Variants in PLA2G4E observed in about 807,000 individuals in gnomAD.
PLA2G4E encodes cytosolic phospholipase A2 epsilon.
A neutral mutation model predicts 109.1 loss-of-function variants in PLA2G4E; 84 were observed. That is an observed-to-expected ratio of 0.77 (90% CI 0.65 to 0.92). The LOEUF (loss-of-function observed/expected upper bound fraction) is 0.92, where lower values mean the gene tolerates loss of function less well. PLA2G4E is among the 40% of genes least tolerant of loss of function. The pLI, the probability that PLA2G4E is intolerant of heterozygous loss-of-function variation, is 0.00. For synonymous variants in PLA2G4E, 469 were observed against 436.1 expected (o/e 1.08, Z -0.94); for missense variants, 1,057 against 1,076.6 (o/e 0.98, Z 0.25).
rs138947174 is a variant in PLA2G4E, at chr15:42,017,508, C to T, written c.184-3751G>A. 5.9e-3 allele frequency among the ~76,000 whole-genome samples: 901 copies of T among 152,308 alleles called. 8 individuals are homozygous for T. Among genetic ancestry groups the T allele is most frequent in the African/African-American group, 0.021 (862 of 41,556 alleles). The stretch of plus-strand genomic sequence containing the variant: ...CGCCCCACGAAGCAGTTATTATTAG[C>T]TTCGTCTTTATAGATGGAGAGTCAG... On this transcript the variant is annotated intron_variant, in intron 1 of 19. Transcript: ENST00000399518.
chr15:42,039,134 C>T (rs1338700323), intron 1 of PLA2G4E, among the ~76,000 whole-genome samples: 1 of 152,146 alleles, frequency 6.6e-6, no homozygotes, highest in Non-Finnish European at 1.5e-5. Flanking sequence ...GCCTCTTACC[C>T]TAGTCAAATC....
In PLA2G4E at chr15:41,996,162, C is replaced by T. The variant is rs1009086002; in HGVS notation, c.1111-666G>A. Among the ~76,000 whole-genome samples the T allele has an allele frequency of 2.6e-5, 4 of 152,034 alleles. No homozygotes were observed. The East Asian group carries it at 7.7e-4, about 29-fold the overall frequency. ...AGGAGTTCAAGACCAGCCTGGGCAA[C>T]ATGTAGAAACCCCATCTCTACAAAA... On this transcript the variant is annotated intron_variant, in intron 11 of 19. Transcript: ENST00000399518.
At chr15:42,009,812 C>T (rs2068514355) in intron 2 of PLA2G4E, 1 of 164,590 alleles carries the variant, frequency 6.1e-6, no homozygotes, top group Non-Finnish European at 1.3e-5. Flanking sequence ...TCCACTTTCA[C>T]CCACCCTTCT....
chr15:41,990,090 C>A, intron 14 of PLA2G4E, 31 bp downstream of exon 14: 1 of 1,587,042 alleles, frequency 6.3e-7, no homozygotes, highest in South Asian at 1.1e-5. Flanking sequence ...CCCCTCCACC[C>A]CACTTGTAAA....
At chr15:41,987,446 A>T (rs2068161277) in intron 16 of PLA2G4E, 71 bp from the exon 17 acceptor site, 1 of 1,464,834 alleles carries the variant, frequency 6.8e-7, no homozygotes, top group Non-Finnish European at 9.4e-7. Context: ...GCGAAGCCCC[A>T]CATGGTTGCC....
intron 1 of PLA2G4E, among the ~76,000 whole-genome samples, chr15:42,033,207 C>G (rs984809010): frequency 3.0e-4 from 45 of 152,130 alleles, no homozygotes; most frequent in African/African-American, 9.2e-4. Flanking sequence ...TCCAGTTGCA[C>G]CGAGATGGAT....
At chr15:41,997,304 C>T (rs1238926172) in intron 10 of PLA2G4E, 45 bp from the exon 11 acceptor site, 9 of 1,491,138 alleles carry the variant, frequency 6.0e-6, no homozygotes, top group Admixed American at 2.2e-5. Context: ...GCCTCTACCT[C>T]CCTGGAGTAG....
intron 1 of PLA2G4E, among the ~76,000 whole-genome samples, chr15:42,048,548 A>AG (rs1050422281): frequency 4.6e-5 from 7 of 152,230 alleles, no homozygotes; most frequent in South Asian, 2.1e-4. Flanking sequence ...GAGAAAGACC[A>AG]GGGGGCCATG....
chr15:42,007,618 C>A (rs1218835896), intron 3 of PLA2G4E, 111 bp downstream of exon 3: 7 of 1,333,542 alleles, frequency 5.2e-6, no homozygotes, highest in Non-Finnish European at 7.2e-6. Flanking sequence ...AAGAAGTAGG[C>A]AGAAAGGAAA....
chr15:42,050,524 A>G (rs1240319722), exon 1 of PLA2G4E: 1 of 1,550,174 alleles, frequency 6.5e-7, no homozygotes, highest in Admixed American at 2.0e-5. Context: ...GACATACCTC[A>G]GAGCCCCAAG....
chr15:41,999,953 G>A lies in PLA2G4E; in HGVS notation c.900C>T (p.Asp300=), dbSNP rs1056129225. 5 of 1,611,538 alleles carry A rather than the reference G, an allele frequency of 3.1e-6. No individual in the cohort carries two copies. In the African/African-American group the frequency reaches 5.3e-5, roughly 17 times the overall value. ...TCATCACCTGACCATCGGAAAGGCA[G>A]TCGAGGGGCTGGCTGATGGGGCCCT... The change falls in exon 9 of 20, where the codon GAC becomes GAT. Residue 300 remains aspartate, a synonymous_variant. Transcript: ENST00000399518.
intron 1 of PLA2G4E, among the ~76,000 whole-genome samples, chr15:42,020,594 T>C (rs1366061171): frequency 1.3e-5 from 2 of 150,796 alleles, no homozygotes; most frequent in Non-Finnish European, 1.5e-5. Flanking sequence ...CTGCTTGCCA[T>C]TAGGGCAGGC....
Position 41,984,600 on chromosome 15 carries a change from TCA to T in PLA2G4E, c.2220_2221del (p.Cys740Ter). The T allele has an allele frequency of 6.2e-7, 1 of 1,604,374 alleles. No homozygotes were observed. Among genetic ancestry groups the T allele is most frequent in the East Asian group, 2.2e-5 (1 of 44,658 alleles). ...GGGGATGTTCTGCACAGTGCAGTAC[TCA>T]CAGGTTTGTTTCAGGGGCTGGAACA... On this transcript the variant is annotated stop_gained and frameshift_variant, in exon 19 of 20. Coordinates refer to ENST00000399518, the Ensembl canonical transcript of PLA2G4E. LOFTEE classifies it high-confidence loss of function.
At chr15:42,049,452 C>T (rs774618242) in intron 1 of PLA2G4E, among the ~76,000 whole-genome samples, 2 of 152,198 alleles carry the variant, frequency 1.3e-5, no homozygotes. Context: ...GTTTCCAACA[C>T]ATGAATGCTG....
At chr15:42,030,506 G>T (rs186693859) in intron 1 of PLA2G4E, among the ~76,000 whole-genome samples, 1 of 152,250 alleles carries the variant, frequency 6.6e-6, no homozygotes, top group African/African-American at 2.4e-5. Context: ...TCTGGGCCCC[G>T]AGGGGATGGA....
chr15:42,013,288 C>T (rs2068555582), intron 2 of PLA2G4E, among the ~76,000 whole-genome samples: 1 of 152,192 alleles, frequency 6.6e-6, no homozygotes, highest in Admixed American at 6.5e-5. Context: ...TTCCACTTCA[C>T]CCCAACAGGC....
intron 1 of PLA2G4E, among the ~76,000 whole-genome samples, chr15:42,019,748 G>A (rs541897275): frequency 3.3e-5 from 5 of 152,168 alleles, no homozygotes; most frequent in Admixed American, 1.3e-4. Context: ...GAGTCACCTG[G>A]GAGGAGCTAC....
At chr15:42,017,814 C>T (rs2068610863) in intron 1 of PLA2G4E, among the ~76,000 whole-genome samples, 2 of 152,210 alleles carry the variant, frequency 1.3e-5, no homozygotes, top group Non-Finnish European at 1.5e-5. Context: ...TCTACCAACA[C>T]ATTCTAGGAT....
chr15:41,990,138 C>T (rs1352820396), exon 14 of PLA2G4E: 1 of 1,613,258 alleles, frequency 6.2e-7, no homozygotes, highest in Non-Finnish European at 8.5e-7. Flanking sequence ...GTCCTGGTTG[C>T]TTACATCATC....
Sources: gnomAD v4.1 joint callset for allele counts (sites outside exome capture counted in the v4.1 genomes callset) on GRCh38, gnomAD v4.1.1 for gene constraint, MANE v1.5 for transcripts, NCBI Gene and HGNC (gene_info 2026-07-23, HGNC 2026-07-21) for gene names.